The following SOX5 variants were observed in gnomAD, a reference collection of about 807,000 sequenced individuals.
SOX5 encodes transcription factor SOX-5.
A neutral mutation model predicts 92.0 loss-of-function variants in SOX5; 9 were observed. The observed-to-expected ratio is 0.10, with a 90% CI of 0.06 to 0.17. The LOEUF (loss-of-function observed/expected upper bound fraction) is 0.17, where lower values mean the gene tolerates loss of function less well. Ranked by LOEUF, SOX5 falls within the 10% of genes least tolerant of loss-of-function variation. The probability of loss-of-function intolerance (pLI) is 1.00; values close to 1 mark genes in which losing one functional copy is unlikely to be tolerated. For missense variants in SOX5, 642 were observed against 944.5 expected (o/e 0.68, Z 4.20); for synonymous variants, 344 against 336.3 (o/e 1.02, Z -0.25).
chr12:24,082,104 A>G lies in SOX5; in HGVS notation c.-2+131239T>C, dbSNP rs141011019. Among the ~76,000 whole-genome samples the G allele has an allele frequency of 4.9e-4, 74 of 152,092 alleles. 1 individual carries two copies. Among genetic ancestry groups the G allele is most frequent in the African/African-American group, 1.7e-3 (71 of 41,536 alleles). On this transcript the variant is annotated intron_variant, in intron 4 of 4. Coordinates refer to the SOX5 transcript ENST00000446891. Reference sequence around the variant, plus strand: ...AGAAGCTGACTTGCTATTTTCGAGCATGTGTAACAAAGCAGAGACTAAATG... The same window carrying G: ...AGAAGCTGACTTGCTATTTTCGAGCGTGTGTAACAAAGCAGAGACTAAATG...
intron 4 of SOX5, among the ~76,000 whole-genome samples, chr12:24,143,044 A>T (rs781656432): frequency 6.6e-6 from 1 of 151,934 alleles, no homozygotes; most frequent in Non-Finnish European, 1.5e-5. Flanking sequence ...CTGACCAGCT[A>T]TGCTGGAAAA....
chr12:23,777,758 A>G (rs2095152191), intron 3 of SOX5, among the ~76,000 whole-genome samples: 1 of 152,234 alleles, frequency 6.6e-6, no homozygotes, highest in African/African-American at 2.4e-5. Flanking sequence ...TTTGAAAAAA[A>G]AAATTGAAAG....
intron 2 of SOX5, among the ~76,000 whole-genome samples, chr12:23,890,810 T>C (rs1041781684): frequency 3.4e-5 from 5 of 147,328 alleles, no homozygotes; most frequent in African/African-American, 1.3e-4. Context: ...CAAAGTCAAG[T>C]TGAAAAAAAA....
intron 1 of SOX5, among the ~76,000 whole-genome samples, chr12:23,898,878 G>A (rs1012172789): frequency 3.9e-5 from 6 of 152,044 alleles, no homozygotes; most frequent in East Asian, 1.9e-4. Context: ...TTGTTAAATC[G>A]TTATAATAAA....
intron 1 of SOX5, among the ~76,000 whole-genome samples, chr12:23,932,423 T>C (rs544023334): frequency 2.6e-5 from 4 of 151,768 alleles, no homozygotes; most frequent in South Asian, 2.1e-4. Context: ...CTGGGACAGT[T>C]AGAAAATGTG....
At position 23,531,150 on chromosome 12, in the gene SOX5, G is replaced by A. The variant is rs1248818382; in HGVS notation, c.*3069C>T. On this transcript the variant is annotated 3_prime_UTR_variant, in exon 15 of 15. Coordinates refer to ENST00000451604, the MANE Select transcript of SOX5 (RefSeq NM_006940.6). Reference sequence around the variant, plus strand: ...ATTTTTGCTTTTGTTTTCTTTTGGGGAAAACTAGGGCAAAGAAAATTTGAT... The same window carrying A: ...ATTTTTGCTTTTGTTTTCTTTTGGGAAAAACTAGGGCAAAGAAAATTTGAT... 6.6e-6 allele frequency: 1 copy of A among 152,052 alleles called. No homozygotes were observed. The highest frequency in any genetic ancestry group is 1.5e-5 in the Non-Finnish European group (1 of 68,014). The allele number at this position is 152,052 out of a possible 1,614,324, so 9.4% of individuals were successfully genotyped here. A position where few individuals can be genotyped will look rare whatever the true frequency, so the allele number is the denominator to read the frequency against.
intron 4 of SOX5, among the ~76,000 whole-genome samples, chr12:24,071,851 A>T (rs995566880): frequency 2.6e-5 from 4 of 152,230 alleles, no homozygotes; most frequent in African/African-American, 9.6e-5. Flanking sequence ...TATGTTTTGA[A>T]AATGCTAGGC....
chr12:24,281,736 A>G (rs1945224421), intron 2 of SOX5, among the ~76,000 whole-genome samples: 1 of 152,244 alleles, frequency 6.6e-6, no homozygotes, highest in African/African-American at 2.4e-5. Context: ...CAGAAACAGC[A>G]AAACAAAAGT....
In SOX5 at chr12:23,663,720, C is replaced by G. The variant is rs79528463; in HGVS notation, c.931+1724G>C. Among the ~76,000 whole-genome samples, 793 of 151,704 alleles carry G rather than the reference C, an allele frequency of 5.2e-3. 7 individuals are homozygous for G. The highest frequency in any genetic ancestry group is 0.018 in the African/African-American group (750 of 41,378). ...GAGAAAGTAGAAACAAAACAAAAAA[C>G]CTTCATGATTTAAAAATCAGAATTT... On this transcript the variant is annotated intron_variant, in intron 7 of 14. Transcript: ENST00000451604.
chr12:24,390,354 T>C (rs1406840928), intron 1 of SOX5, among the ~76,000 whole-genome samples: 1 of 152,188 alleles, frequency 6.6e-6, no homozygotes, highest in African/African-American at 2.4e-5. Flanking sequence ...TTGACTTATA[T>C]TGAACATAAA....
At chr12:23,849,024 T>C (rs1298104407) in intron 2 of SOX5, among the ~76,000 whole-genome samples, 1 of 152,214 alleles carries the variant, frequency 6.6e-6, no homozygotes, top group Non-Finnish European at 1.5e-5. Flanking sequence ...TTCTTGTTAA[T>C]TCATTTTAAA....
intron 3 of SOX5, chr12:23,762,690 C>T (rs1428217119): frequency 2.2e-6 from 1 of 450,094 alleles, no homozygotes; most frequent in Non-Finnish European, 3.9e-6. Context: ...TAATGTAATA[C>T]TTAAATCATT....
intron 4 of SOX5, among the ~76,000 whole-genome samples, chr12:24,061,911 G>A (rs1007753657): frequency 6.6e-6 from 1 of 152,120 alleles, no homozygotes; most frequent in Admixed American, 6.5e-5. Flanking sequence ...GTATTCTCTT[G>A]CTCTGTGGAA....
chr12:23,870,093 A>G (rs1422208336), intron 2 of SOX5, among the ~76,000 whole-genome samples: 2 of 152,082 alleles, frequency 1.3e-5, no homozygotes, highest in East Asian at 3.9e-4. Context: ...TCTTTCCCAC[A>G]ATTTTTTCCT....
intron 3 of SOX5, among the ~76,000 whole-genome samples, chr12:23,757,944 TA>T (rs2094445868): frequency 8.9e-6 from 1 of 112,688 alleles, no homozygotes. Flanking sequence ...TTAACTAGCA[TA>T]AAGATATAAG....
chr12:23,715,974 A>T (rs2092468631), intron 6 of SOX5, among the ~76,000 whole-genome samples: 1 of 152,218 alleles, frequency 6.6e-6, no homozygotes, highest in South Asian at 2.1e-4. Context: ...GTCTCTAGCT[A>T]AAATTTCCAT....
chr12:23,654,972 T>A (rs969389301), intron 7 of SOX5, among the ~76,000 whole-genome samples: 3 of 152,092 alleles, frequency 2.0e-5, no homozygotes, highest in Non-Finnish European at 2.9e-5. Flanking sequence ...AGAGATTTTT[T>A]AAAATAAAAT....
In SOX5 at chr12:24,066,357, T is replaced by C. The variant is rs78451414; in HGVS notation, c.-2+146986A>G. 8.4e-3 allele frequency among the ~76,000 whole-genome samples: 1,274 copies of C among 152,224 alleles called. 14 individuals are homozygous for C. Among genetic ancestry groups the C allele is most frequent in the African/African-American group, 0.029 (1,211 of 41,546 alleles). ...TAAGATAGTATGAAATGAAAATCAA[T>C]CAACCATGAAAATGAAAATATTCTA... On this transcript the variant is annotated intron_variant, in intron 4 of 4. Transcript: ENST00000446891.
At chr12:23,644,452 G>A (rs1475864960) in intron 7 of SOX5, among the ~76,000 whole-genome samples, 2 of 152,186 alleles carry the variant, frequency 1.3e-5, no homozygotes, top group African/African-American at 4.8e-5. Context: ...GAAACATGTG[G>A]CATCTGAATC....
Sources: gnomAD v4.1 joint callset for allele counts (sites outside exome capture counted in the v4.1 genomes callset) on GRCh38, gnomAD v4.1.1 for gene constraint, MANE v1.5 for transcripts, NCBI Gene and HGNC (gene_info 2026-07-23, HGNC 2026-07-21) for gene names.